ACTR2: variants seen among roughly 807,000 people sequenced by gnomAD.
The protein encoded by ACTR2 is actin related protein 2.
ACTR2 carries 5 observed loss-of-function variants against 50.2 expected under a neutral mutation model. That is an observed-to-expected ratio of 0.10 (90% CI 0.05 to 0.21). ACTR2 has a LOEUF of 0.21. Ranked by LOEUF, ACTR2 falls within the 10% of genes least tolerant of loss-of-function variation. The probability of loss-of-function intolerance (pLI) is 1.00; values close to 1 mark genes in which losing one functional copy is unlikely to be tolerated. For synonymous variants in ACTR2, 140 were observed against 162.9 expected (o/e 0.86, Z 1.07); for missense variants, 180 against 480.6 (o/e 0.37, Z 5.85).
intron 2 of ACTR2, among the ~76,000 whole-genome samples, chr2:65,240,994 C>T (rs1251752890): frequency 1.3e-5 from 2 of 150,548 alleles, no homozygotes; most frequent in Non-Finnish European, 3.0e-5. Flanking sequence ...AACTTGGGTT[C>T]TGTGTTAGTT....
At chr2:65,229,673 T>C (rs182006584) in intron 1 of ACTR2, among the ~76,000 whole-genome samples, 392 of 150,152 alleles carry the variant, frequency 2.6e-3, no homozygotes, top group Middle Eastern at 0.01. Flanking sequence ...GGAGAATCGC[T>C]TGAACCCGGT....
intron 6 of ACTR2, among the ~76,000 whole-genome samples, chr2:65,261,034 A>G (rs115751549): frequency 4.6e-5 from 7 of 152,114 alleles, no homozygotes; most frequent in Non-Finnish European, 1.0e-4. Flanking sequence ...CCAGCCTGGC[A>G]TAACATTTTT....
At chr2:65,258,825 C>T (rs1256873272) in intron 6 of ACTR2, among the ~76,000 whole-genome samples, 1 of 152,142 alleles carries the variant, frequency 6.6e-6, no homozygotes, top group African/African-American at 2.4e-5. Flanking sequence ...AGAAGCCACA[C>T]TATCAGGCTT....
intron 6 of ACTR2, among the ~76,000 whole-genome samples, chr2:65,257,822 CTTG>C (rs1436747969): frequency 6.6e-6 from 1 of 152,086 alleles, no homozygotes; most frequent in Non-Finnish European, 1.5e-5. Flanking sequence ...GTTTAAGTTC[CTTG>C]TAGATTCTGG....
At chr2:65,255,508 G>T (rs1185403012) in intron 5 of ACTR2, 37 bp from the exon 6 acceptor site, 2 of 1,583,672 alleles carry the variant, frequency 1.3e-6, no homozygotes, top group Non-Finnish European at 1.7e-6. Flanking sequence ...AACTCATTCA[G>T]ATGTATTATG....
intron 6 of ACTR2, among the ~76,000 whole-genome samples, chr2:65,260,653 C>G (rs750235639): frequency 3.3e-5 from 5 of 151,914 alleles, no homozygotes; most frequent in Non-Finnish European, 5.9e-5. Flanking sequence ...CTTGTTTCTG[C>G]TTTGCTGCAA....
chr2:65,229,235 A>G (rs9309370), intron 1 of ACTR2, among the ~76,000 whole-genome samples: 416 of 152,282 alleles, frequency 2.7e-3, no homozygotes, highest in Middle Eastern at 0.01. Context: ...TGATGTTGCA[A>G]CATTTTGTGA....
At chr2:65,233,985 A>T (rs930450852) in intron 1 of ACTR2, among the ~76,000 whole-genome samples, 4 of 151,848 alleles carry the variant, frequency 2.6e-5, no homozygotes, top group African/African-American at 9.7e-5. Context: ...TCAAGGCTCA[A>T]CGTAGCCTCA....
At chr2:65,247,542 C>G (rs939406658) in intron 3 of ACTR2, among the ~76,000 whole-genome samples, 2 of 151,996 alleles carry the variant, frequency 1.3e-5, no homozygotes, top group African/African-American at 4.8e-5. Context: ...GAGTGGAGAT[C>G]GTGCCACTGC....
intron 3 of ACTR2, among the ~76,000 whole-genome samples, chr2:65,249,828 A>G (rs1672010047): frequency 6.6e-6 from 1 of 152,238 alleles, no homozygotes; most frequent in South Asian, 2.1e-4. Context: ...TTGTAATTAC[A>G]GTCTTGATTC....
chr2:65,253,526 A>G (rs1430925421), intron 4 of ACTR2, among the ~76,000 whole-genome samples: 1 of 142,630 alleles, frequency 7.0e-6, no homozygotes, highest in African/African-American at 2.6e-5. Context: ...TGGACAGCAC[A>G]TAATAGTAGA....
At chr2:65,245,827 A>C (rs1455326461) in intron 2 of ACTR2, among the ~76,000 whole-genome samples, 1 of 152,182 alleles carries the variant, frequency 6.6e-6, no homozygotes, top group Non-Finnish European at 1.5e-5. Context: ...GTAGTTTTCC[A>C]GTATACTTTA....
chr2:65,255,453 T>C, intron 5 of ACTR2, 92 bp from the exon 6 acceptor site: 3 of 1,133,668 alleles, frequency 2.6e-6, no homozygotes, highest in Non-Finnish European at 3.7e-6. Flanking sequence ...CTGTTTGTTA[T>C]TGATGTGACA....
intron 6 of ACTR2, among the ~76,000 whole-genome samples, chr2:65,258,772 T>C (rs1672202241): frequency 6.6e-6 from 1 of 152,050 alleles, no homozygotes; most frequent in African/African-American, 2.4e-5. Flanking sequence ...TTAAGGTGAT[T>C]AGAAAACTTG....
intron 4 of ACTR2, among the ~76,000 whole-genome samples, chr2:65,253,413 T>A (rs749904136): frequency 5.3e-5 from 8 of 151,060 alleles, no homozygotes; most frequent in Non-Finnish European, 1.2e-4. Context: ...ACTGTACTCC[T>A]CCAGCCTGGG....
intron 3 of ACTR2, among the ~76,000 whole-genome samples, chr2:65,249,100 C>T (rs764502949): frequency 4.4e-4 from 67 of 152,162 alleles, no homozygotes; most frequent in Non-Finnish European, 9.0e-4. Flanking sequence ...GAGCTATGAT[C>T]CTCATAGTTT....
At chr2:65,257,161 A>C (rs1300770980) in intron 6 of ACTR2, among the ~76,000 whole-genome samples, 1 of 147,218 alleles carries the variant, frequency 6.8e-6, no homozygotes, top group Non-Finnish European at 1.5e-5. Context: ...ATATGTTCTC[A>C]TTGTCAGCTC....
chr2:65,236,781 C>T (rs1671749136), intron 1 of ACTR2, among the ~76,000 whole-genome samples: 1 of 152,078 alleles, frequency 6.6e-6, no homozygotes, highest in African/African-American at 2.4e-5. Flanking sequence ...GGGTTTCCAT[C>T]ATGTTGGTCA....
intron 2 of ACTR2, chr2:65,242,054 CA>C: frequency 6.2e-7 from 1 of 1,607,084 alleles, no homozygotes; most frequent in Middle Eastern, 1.7e-4. Context: ...AGTAGAATAA[CA>C]AAAAGATGGT....
Sources: gnomAD v4.1 joint callset for allele counts (sites outside exome capture counted in the v4.1 genomes callset) on GRCh38, gnomAD v4.1.1 for gene constraint, MANE v1.5 for transcripts, NCBI Gene and HGNC (gene_info 2026-07-23, HGNC 2026-07-21) for gene names.